ZNF273: variants seen among roughly 807,000 people sequenced by gnomAD.
The protein encoded by ZNF273 is zinc finger protein 9.
In ZNF273, 11 loss-of-function variants were observed where a neutral mutation model predicts 14.9. That is an observed-to-expected ratio of 0.74 (90% CI 0.46 to 1.22). The LOEUF is 1.22. ZNF273 is among the 50% of genes most tolerant of loss of function. The pLI is 0.00. For synonymous variants in ZNF273, 199 were observed against 223.9 expected (o/e 0.89, Z 0.99); for missense variants, 577 against 660.6 (o/e 0.87, Z 1.39).
chr7:64,887,481 T>C (rs960890899), intron 1 of ZNF273, among the ~76,000 whole-genome samples: 2 of 152,146 alleles, frequency 1.3e-5, no homozygotes, highest in Non-Finnish European at 2.9e-5. Context: ...AACTGCTCCA[T>C]TGTGCAGTGT....
intron 1 of ZNF273, among the ~76,000 whole-genome samples, chr7:64,910,809 A>G (rs1290512492): frequency 7.5e-6 from 1 of 133,584 alleles, no homozygotes; most frequent in Non-Finnish European, 1.5e-5. Flanking sequence ...TTTATTGCCC[A>G]GGCTGGAGTG....
intron 1 of ZNF273, among the ~76,000 whole-genome samples, chr7:64,916,411 G>A (rs944574834): frequency 8.6e-5 from 13 of 150,804 alleles, no homozygotes; most frequent in African/African-American, 1.7e-4. Context: ...TGGCAGCGGC[G>A]GCAGGCGCCT....
intron 3 of ZNF273, among the ~76,000 whole-genome samples, chr7:64,923,059 T>C: frequency 6.6e-6 from 1 of 152,206 alleles, no homozygotes; most frequent in East Asian, 1.9e-4. Context: ...TTATGCAACA[T>C]TTTACTAAGT....
chr7:64,883,825 A>C (rs1316815991), downstream of ZNF273, among the ~76,000 whole-genome samples: 1 of 152,214 alleles, frequency 6.6e-6, no homozygotes, highest in Non-Finnish European at 1.5e-5. Context: ...GTCTGGCTCA[A>C]AGGCTTCTAC....
At chr7:64,926,436 T>G (rs1794768323) in intron 3 of ZNF273, among the ~76,000 whole-genome samples, 1 of 152,136 alleles carries the variant, frequency 6.6e-6, no homozygotes. Flanking sequence ...TCATTTTACC[T>G]TAACAATTTG....
chr7:64,882,090 C>G (rs1791276590), downstream of ZNF273, among the ~76,000 whole-genome samples: 1 of 152,126 alleles, frequency 6.6e-6, no homozygotes, highest in African/African-American at 2.4e-5. Flanking sequence ...CTAAACGGCC[C>G]GGGATGAAGG....
At chr7:64,881,401 C>G (rs1232803751), downstream of ZNF273, among the ~76,000 whole-genome samples, 1 of 152,234 alleles carries the variant, frequency 6.6e-6, no homozygotes, top group African/African-American at 2.4e-5. Context: ...ATGAGTGTTT[C>G]CTTCTAAACA....
chr7:64,885,001 G>A (rs1302869989), intron 1 of ZNF273, among the ~76,000 whole-genome samples: 3 of 152,202 alleles, frequency 2.0e-5, no homozygotes, highest in Non-Finnish European at 2.9e-5. Flanking sequence ...CCTGCCTCGC[G>A]GATTCGCATG....
At chr7:64,892,533 T>C (rs1158769704), downstream of ZNF273, among the ~76,000 whole-genome samples, 2 of 152,184 alleles carry the variant, frequency 1.3e-5, no homozygotes, top group Admixed American at 6.5e-5. Flanking sequence ...TCTGGGGTGA[T>C]ACCCGAGATT....
intron 3 of ZNF273, among the ~76,000 whole-genome samples, chr7:64,921,471 G>C (rs1794441916): frequency 6.6e-6 from 1 of 151,808 alleles, no homozygotes; most frequent in South Asian, 2.1e-4. Flanking sequence ...ACTTTTGTCA[G>C]TAATTGCTAT....
At chr7:64,903,546 T>A in intron 1 of ZNF273, 127 bp downstream of exon 1, 1 of 989,172 alleles carries the variant, frequency 1.0e-6, no homozygotes, top group Non-Finnish European at 1.6e-6. Flanking sequence ...GAGTTCTCCT[T>A]GGCGCAGCTC....
chr7:64,921,526 T>A (rs1794445057), intron 3 of ZNF273, among the ~76,000 whole-genome samples: 1 of 150,314 alleles, frequency 6.7e-6, no homozygotes, highest in Non-Finnish European at 1.5e-5. Context: ...CACAGATAGA[T>A]ACATATAATA....
At chr7:64,901,247 C>T (rs1268392745), upstream of ZNF273, among the ~76,000 whole-genome samples, 2 of 152,154 alleles carry the variant, frequency 1.3e-5, no homozygotes, top group Non-Finnish European at 2.9e-5. Context: ...AGGTGATCTA[C>T]CTGCCTCAGC....
At chr7:64,883,480 A>G (rs1337725419), downstream of ZNF273, among the ~76,000 whole-genome samples, 1 of 152,186 alleles carries the variant, frequency 6.6e-6, no homozygotes, top group Non-Finnish European at 1.5e-5. Flanking sequence ...GATAGGGGTA[A>G]GGATGCAATC....
chr7:64,888,931 T>G (rs1039087255), downstream of ZNF273: 4 of 982,538 alleles, frequency 4.1e-6, no homozygotes, highest in Non-Finnish European at 4.8e-6. Context: ...GAGAAAACTC[T>G]GGTGGAGCCC....
downstream of ZNF273, chr7:64,893,698 TCCCCCTCCCC>T: frequency 5.1e-5 from 1 of 19,758 alleles, no homozygotes; most frequent in East Asian, 2.9e-3. Flanking sequence ...CCCCCTCCCC[TCCCCCTCCCC>T]TCCCTTCCCC....
At chr7:64,883,175 T>C (rs1185744263), downstream of ZNF273, among the ~76,000 whole-genome samples, 12 of 147,686 alleles carry the variant, frequency 8.1e-5, no homozygotes, top group African/African-American at 2.3e-4. Context: ...CCGCGGTGAA[T>C]TGGGGGGCTG....
At chr7:64,917,313 A>G (rs1794076042) in intron 1 of ZNF273, among the ~76,000 whole-genome samples, 1 of 152,238 alleles carries the variant, frequency 6.6e-6, no homozygotes, top group Admixed American at 6.5e-5. Context: ...TCACAAATGT[A>G]CGTGTTTGTG....
intron 1 of ZNF273, among the ~76,000 whole-genome samples, chr7:64,886,937 T>C (rs1048833988): frequency 6.6e-6 from 1 of 152,214 alleles, no homozygotes; most frequent in Non-Finnish European, 1.5e-5. Flanking sequence ...CTTCTGTCCA[T>C]TTCTCCCTTG....
Sources: allele counts gnomAD v4.1 joint callset (sites outside exome capture counted in the v4.1 genomes callset), GRCh38; gene constraint gnomAD v4.1.1; transcripts MANE v1.5; gene names NCBI Gene and HGNC (gene_info 2026-07-23, HGNC 2026-07-21).